The following RTEL1 variants were observed in gnomAD, a reference collection of about 807,000 sequenced individuals.
RTEL1 encodes the protein regulator of telomere elongation helicase 1, also known as regulator of telomere length.
Under a neutral mutation model 162.2 loss-of-function variants are expected in RTEL1, and 86 were observed. The ratio of observed to expected loss-of-function variants is 0.53; its 90% CI spans 0.45 to 0.63. RTEL1 has a LOEUF of 0.63. Among genes scored for constraint, RTEL1 ranks in the 30% least tolerant of loss-of-function variants. The pLI is 0.00. For missense variants in RTEL1, 1,941 were observed against 1,750.2 expected (o/e 1.11, Z -1.95); for synonymous variants, 958 against 717.9 (o/e 1.33, Z -5.35).
chr20:63,659,820 C>T lies in RTEL1; in HGVS notation c.102+316C>T, dbSNP rs551359726. Among the ~76,000 whole-genome samples, 718 of 152,284 alleles carry T rather than the reference C, an allele frequency of 4.7e-3. 5 individuals carry two copies. Among genetic ancestry groups the T allele is most frequent in the African/African-American group, 0.017 (687 of 41,554 alleles). On this transcript the variant is annotated intron_variant, in intron 2 of 34. Coordinates refer to ENST00000360203, the MANE Select transcript of RTEL1 (RefSeq NM_001283009.2). ...GCCCAGGGGACCGGCGCTCAGCATA[C>T]AGAGGACCTGCACCGGCACCAGTCT...
At chr20:63,672,892 G>T (rs1243533375) in intron 9 of RTEL1, among the ~76,000 whole-genome samples, 2 of 152,242 alleles carry the variant, frequency 1.3e-5, no homozygotes, top group African/African-American at 4.8e-5. Flanking sequence ...CCTCCAGCCA[G>T]CTCGGGGTCA....
chr20:63,666,874 C>G (rs113215806), intron 7 of RTEL1, among the ~76,000 whole-genome samples: 3,561 of 131,532 alleles, frequency 0.027, 150 homozygotes, highest in African/African-American at 0.095. Context: ...GAGTCTCGCT[C>G]TGTCGCCCAG....
chr20:63,684,648 T>C (rs2090551240), intron 14 of RTEL1, among the ~76,000 whole-genome samples: 1 of 152,042 alleles, frequency 6.6e-6, no homozygotes, highest in East Asian at 1.9e-4. Context: ...CAGCCTGATA[T>C]TTTTAGTAGA....
rs2090786584 is a variant in RTEL1 at position 63,692,861 on chromosome 20, G to A, written c.2709G>A (p.Val903=). Residue 903 remains valine (V), a synonymous_variant, in exon 29 of 35, where the codon GTG becomes GTA. Coordinates refer to ENST00000360203, the MANE Select transcript of RTEL1 (RefSeq NM_001283009.2). ...GGGCCAAGCTCTTCATGGTGGCCGTGAAGCAGGAGTTGAGCCAAGCCAACT... is the reference window on the plus strand; with the variant it reads ...GGGCCAAGCTCTTCATGGTGGCCGTAAAGCAGGAGTTGAGCCAAGCCAACT... ...TDRAKLFMVA[V]KQELSQANFA... 25 of 1,612,670 alleles carry A rather than the reference G, an allele frequency of 1.6e-5. No individual in the cohort carries two copies. Among genetic ancestry groups the A allele is most frequent in the Non-Finnish European group, 2.1e-5 (25 of 1,179,866 alleles).
chr20:63,666,834 CTTTTT>C (rs146252896), intron 7 of RTEL1, among the ~76,000 whole-genome samples: 2 of 102,176 alleles, frequency 2.0e-5, no homozygotes, highest in African/African-American at 3.8e-5. Context: ...CTGGCCAGCT[CTTTTT>C]TTTTTTTTTT....
At chr20:63,675,714 A>G (rs539972930) in intron 10 of RTEL1, among the ~76,000 whole-genome samples, 34 of 152,278 alleles carry the variant, frequency 2.2e-4, no homozygotes, top group Admixed American at 2.2e-3. Context: ...CAGTGGGGGA[A>G]GGGGTTCCTG....
chr20:63,668,512 G>A lies in RTEL1; in HGVS notation c.699+959G>A, dbSNP rs1044683415. Reference sequence around the variant, plus strand: ...GGAGGAGGCGGAGACCGAGCCAAGCGGGCCCAAGTGCGATGTCGGCGGGAG... The same window carrying A: ...GGAGGAGGCGGAGACCGAGCCAAGCAGGCCCAAGTGCGATGTCGGCGGGAG... On this transcript the variant is annotated intron_variant, in intron 8 of 34. Coordinates refer to ENST00000360203, the MANE Select transcript of RTEL1 (RefSeq NM_001283009.2). The surrounding 1 kb of genome is among the most constrained non-coding windows in gnomAD (Gnocchi z 4.3). Among the ~76,000 whole-genome samples the A allele has an allele frequency of 2.0e-5, 3 of 152,156 alleles. No individual in the cohort carries two copies. The highest frequency in any genetic ancestry group is 4.4e-5 in the Non-Finnish European group (3 of 68,046).
At chr20:63,690,051 T>G in intron 24 of RTEL1, 36 bp from the exon 25 acceptor site, 1 of 1,601,174 alleles carries the variant, frequency 6.2e-7, no homozygotes, top group South Asian at 1.1e-5. Context: ...TTGAAGCGGC[T>G]GTGGGCAGGG....
intron 21 of RTEL1, 43 bp from the exon 22 acceptor site, chr20:63,689,012 T>TGGG: frequency 1.4e-6 from 2 of 1,472,864 alleles, no homozygotes; most frequent in Non-Finnish European, 1.9e-6. Flanking sequence ...AGGAAGGGGC[T>TGGG]GGGGGGGGGC....
intron 10 of RTEL1, 60 bp from the exon 11 acceptor site, chr20:63,678,085 G>A (rs2090391909): frequency 1.2e-6 from 2 of 1,600,372 alleles, no homozygotes; most frequent in Non-Finnish European, 1.7e-6. Context: ...TGGTTCTCAA[G>A]GGCGGGGTTG....
At chr20:63,682,863 G>A (rs1230597726) in intron 14 of RTEL1, among the ~76,000 whole-genome samples, 1 of 152,258 alleles carries the variant, frequency 6.6e-6, no homozygotes, top group African/African-American at 2.4e-5. Context: ...GTGCTGGCCC[G>A]TGTTGGGGAA....
At chr20:63,682,563 G>A (rs1177786954) in intron 14 of RTEL1, 69 of 985,800 alleles carry the variant, frequency 7.0e-5, no homozygotes, top group Non-Finnish European at 8.3e-5. Context: ...CTAAGTAGCC[G>A]CTGGTGGATG....
rs1228366656 is a variant in RTEL1, at chr20:63,688,622, G to T, written c.1800+17G>T. On this transcript the variant is annotated intron_variant, in intron 21 of 34. Coordinates refer to ENST00000360203, the MANE Select transcript of RTEL1 (RefSeq NM_001283009.2). ...TTCTCCGAGGTCGGCACTTGGCCGG[G>T]GCTCTGGGCCTGCTGCCCCCTCGTG... is the stretch of plus-strand genomic sequence containing the variant. 16 of 1,595,648 alleles carry T rather than the reference G, an allele frequency of 1.0e-5. No homozygotes were observed. Among genetic ancestry groups the T allele is most frequent in the Non-Finnish European group, 1.4e-5 (16 of 1,173,474 alleles).
chr20:63,692,646 C>T (rs961280370), intron 28 of RTEL1, 159 bp from the exon 29 acceptor site: 6 of 676,856 alleles, frequency 8.9e-6, no homozygotes, highest in Non-Finnish European at 1.5e-5. Context: ...TCCCGCAGCC[C>T]CTCCCTATGT....
At chr20:63,666,208 C>T (rs563319720) in intron 7 of RTEL1, 129 bp downstream of exon 7, 2 of 759,244 alleles carry the variant, frequency 2.6e-6, no homozygotes, top group East Asian at 5.5e-5. Flanking sequence ...AACCACCATT[C>T]AGTACGAAAA....
Position 63,685,807 on chromosome 20 carries a change from A to C in RTEL1, c.1283A>C (p.Asp428Ala). 1 of 1,612,500 alleles carries C rather than the reference A, an allele frequency of 6.2e-7. No individual in the cohort carries two copies. The highest frequency in any genetic ancestry group is 8.5e-7 in the Non-Finnish European group (1 of 1,179,858). The change falls in exon 16 of 35, where the codon GAT (aspartate) becomes GCT (alanine). Residue 428 changes from aspartate to alanine, a missense_variant. Coordinates refer to ENST00000360203, the MANE Select transcript of RTEL1 (RefSeq NM_001283009.2). ...LQSYKVHIHPDAGHRRTAQRS... is the reference protein window; with the variant it reads ...LQSYKVHIHPAAGHRRTAQRS... ...CCCCTCCAGGTGCACATCCATCCTG[A>C]TGCTGGTCACCGGAGGACGGCTCAG...
chr20:63,669,636 G>A (rs1032553141), intron 8 of RTEL1, among the ~76,000 whole-genome samples: 3 of 152,250 alleles, frequency 2.0e-5, no homozygotes, highest in Non-Finnish European at 2.9e-5. Context: ...GATCTGGACA[G>A]ACGTTTCACC....
In RTEL1 at chr20:63,672,588, G is replaced by C. The variant is rs919917378; in HGVS notation, c.732G>C (p.Gly244=). The change falls in exon 9 of 35, where the codon GGG becomes GGC. Residue 244 remains glycine (G), a synonymous_variant. Transcript: ENST00000360203. ...SRRAHNIDLK[G]TVVIFDEAHN... ...GAGCACACAACATTGACCTGAAGGG[G>C]ACAGTCGTGATCTTTGACGAAGCTC... 6.3e-6 allele frequency: 10 copies of C among 1,587,526 alleles called. No individual in the cohort carries two copies. The highest frequency in any genetic ancestry group is 8.6e-6 in the Non-Finnish European group (10 of 1,164,934).
chr20:63,692,849 C>T lies in RTEL1; in HGVS notation c.2697C>T (p.Phe899=), dbSNP rs2090786150. The change falls in exon 29 of 35, where the codon TTC becomes TTT. Residue 899 remains phenylalanine (F), a synonymous_variant. Coordinates refer to ENST00000360203, the MANE Select transcript of RTEL1 (RefSeq NM_001283009.2). The part of the protein sequence containing the change: ...AGAQTDRAKL[F]MVAVKQELSQ... ...CACAGACGGACAGGGCCAAGCTCTT[C>T]ATGGTGGCCGTGAAGCAGGAGTTGA... The T allele has an allele frequency of 1.2e-6, 2 of 1,612,666 alleles. No homozygotes were observed. The highest frequency in any genetic ancestry group is 1.7e-6 in the Non-Finnish European group (2 of 1,179,866).
Sources: allele counts gnomAD v4.1 joint callset (sites outside exome capture counted in the v4.1 genomes callset), GRCh38; gene constraint gnomAD v4.1.1; non-coding constraint Gnocchi (gnomAD v3.1); transcripts MANE v1.5; gene names NCBI Gene and HGNC (gene_info 2026-07-23, HGNC 2026-07-21).